The following INSR variants were observed in gnomAD, a reference collection of about 807,000 sequenced individuals.
INSR encodes IR.
Under a neutral mutation model 142.6 loss-of-function variants are expected in INSR, and 67 were observed. That is an observed-to-expected ratio of 0.47 (90% CI 0.39 to 0.58). INSR has a LOEUF of 0.58. Ranked by LOEUF, INSR falls within the 20% of genes least tolerant of loss-of-function variation. The probability of loss-of-function intolerance (pLI) is 0.00; values close to 1 mark genes in which losing one functional copy is unlikely to be tolerated. For missense variants in INSR, 1,248 were observed against 1,833.2 expected, an observed-to-expected ratio of 0.68 and a Z score of 5.83; for synonymous variants, 756 against 743.1, an observed-to-expected ratio of 1.02 and a Z score of -0.28.
intron 2 of INSR, among the ~76,000 whole-genome samples, chr19:7,251,178 C>T (rs1976716061): frequency 6.8e-6 from 1 of 147,224 alleles, no homozygotes; most frequent in Non-Finnish European, 1.5e-5. Context: ...CAGACATTGC[C>T]AAATGTCCCC....
rs1229893317 is a variant in INSR at position 7,116,890 on chromosome 19, G to A, written c.*166C>T. On this transcript the variant is annotated 3_prime_UTR_variant, in exon 22 of 22. Coordinates refer to ENST00000302850, the MANE Select transcript of INSR (RefSeq NM_000208.4). Reference sequence around the variant, plus strand: ...AATCCTCTGCAGGACTAGTTAAATTGGTAACCAAACGAGTCCACCTTAAGA... The same window carrying A: ...AATCCTCTGCAGGACTAGTTAAATTAGTAACCAAACGAGTCCACCTTAAGA... The A allele has an allele frequency of 4.6e-6, 3 of 654,880 alleles. No individual in the cohort carries two copies. Among genetic ancestry groups the A allele is most frequent in the African/African-American group, 3.6e-5 (2 of 55,288 alleles). The allele number at this position is 654,880 out of a possible 1,614,324, so 40.6% of individuals were successfully genotyped here.
intron 19 of INSR, among the ~76,000 whole-genome samples, 167 bp from the exon 20 acceptor site, chr19:7,120,916 G>A (rs569996961): frequency 2.0e-5 from 3 of 152,240 alleles, no homozygotes; most frequent in Admixed American, 6.5e-5. Flanking sequence ...CTGAGGGTAC[G>A]CATGGGGAAG....
In INSR at chr19:7,126,651, C is replaced by T. The variant is rs766764042; in HGVS notation, c.2946G>A (p.Arg982=). ...GCGGTCCCAGCGGCCCATCTGGCTG[C>T]CTGGAGGAGGAAAACGAGGCACGTT... ...IGSIYLFLRK[R]QPDGPLGPLY... Residue 982 remains arginine (R), a splice_region_variant and synonymous_variant, in exon 16 of 22, where the codon AGG becomes AGA. Coordinates refer to ENST00000302850, the MANE Select transcript of INSR (RefSeq NM_000208.4). 2 of 1,563,780 alleles carry T rather than the reference C, an allele frequency of 1.3e-6. No homozygotes were observed. The highest frequency in any genetic ancestry group is 8.7e-7 in the Non-Finnish European group (1 of 1,152,534).
chr19:7,155,261 G>A (rs370466949), intron 9 of INSR, among the ~76,000 whole-genome samples: 6 of 152,200 alleles, frequency 3.9e-5, no homozygotes, highest in East Asian at 1.9e-4. Flanking sequence ...CTGGCCAGGC[G>A]TGGTGGCCCT....
chr19:7,126,696 A>T, intron 15 of INSR, 45 bp from the exon 16 acceptor site: 5 of 1,526,086 alleles, frequency 3.3e-6, no homozygotes, highest in Non-Finnish European at 4.5e-6. Flanking sequence ...TTCTCATGGG[A>T]CTCTGCAGAA....
intron 2 of INSR, among the ~76,000 whole-genome samples, chr19:7,239,894 A>C (rs1976287255): frequency 6.6e-6 from 1 of 152,204 alleles, no homozygotes; most frequent in African/African-American, 2.4e-5. Context: ...AATCACAAAA[A>C]TATCATATGT....
intron 9 of INSR, among the ~76,000 whole-genome samples, chr19:7,157,496 C>T (rs867279636): frequency 5.4e-5 from 8 of 147,762 alleles, no homozygotes; most frequent in Middle Eastern, 3.5e-3. Context: ...CTCCTGAGCT[C>T]GAACGATCTG....
At chr19:7,157,510 G>A (rs186684354) in intron 9 of INSR, among the ~76,000 whole-genome samples, 41 of 143,664 alleles carry the variant, frequency 2.9e-4, no homozygotes, top group African/African-American at 8.0e-4. Context: ...CGATCTGCCC[G>A]CCTTGGCCTC....
chr19:7,151,221 TCTTC>T (rs926526229), intron 10 of INSR, among the ~76,000 whole-genome samples: 1 of 142,224 alleles, frequency 7.0e-6, no homozygotes, highest in Admixed American at 7.2e-5. Flanking sequence ...TTTCTTTCTC[TCTTC>T]CTTCCTTCCT....
At chr19:7,138,699 ATCCACCAATTCTATGGATGCACCGTCT>A (rs1451795290) in intron 13 of INSR, among the ~76,000 whole-genome samples, 1 of 152,060 alleles carries the variant, frequency 6.6e-6, no homozygotes, top group Non-Finnish European at 1.5e-5. Flanking sequence ...ATGGCTCTTC[ATCCACCAATTCTATGGATGCACCGTCT>A]TCCATGTGTC....
At chr19:7,240,183 A>T (rs1976296834) in intron 2 of INSR, among the ~76,000 whole-genome samples, 1 of 152,256 alleles carries the variant, frequency 6.6e-6, no homozygotes, top group Non-Finnish European at 1.5e-5. Flanking sequence ...TCAAAAGTGT[A>T]TTACAATATA....
In INSR at chr19:7,132,195, A is replaced by G; in HGVS notation, c.2805T>C (p.Ser935=). The G allele has an allele frequency of 3.1e-6, 5 of 1,614,206 alleles. No individual in the cohort carries two copies. The highest frequency in any genetic ancestry group is 4.2e-6 in the Non-Finnish European group (5 of 1,180,028). Reference sequence around the variant, plus strand: ...CGTAGAAATAGGTGGGTTCCGTCCAAGAGCCGTTGCCCGCAAGGGAGGTGG... The same window carrying G: ...CGTAGAAATAGGTGGGTTCCGTCCAGGAGCCGTTGCCCGCAAGGGAGGTGG... ...IRATSLAGNG[S]WTEPTYFYVT... Residue 935 remains serine (S), a synonymous_variant, in exon 14 of 22, where the codon TCT becomes TCC. Transcript: ENST00000302850.
At chr19:7,173,019 G>A (rs748023359) in intron 4 of INSR, among the ~76,000 whole-genome samples, 1 of 152,130 alleles carries the variant, frequency 6.6e-6, no homozygotes, top group African/African-American at 2.4e-5. Context: ...ATGGGTCTAT[G>A]GCTGTTTTCA....
rs1387775044 is a variant in INSR at position 7,163,191 on chromosome 19, CAG to C, written c.1868_1869del (p.Ser623CysfsTer10). ...IYVQTDATNP[S>X]VPLDPISVSN... The stretch of plus-strand genomic sequence containing the variant: ...GACACTGAGATTGGATCCAGGGGCA[CAG>C]AGGGGTCTGTCAGGGAGAAAGGAAA... On this transcript the variant is annotated frameshift_variant, in exon 9 of 22. Coordinates refer to ENST00000302850, the MANE Select transcript of INSR (RefSeq NM_000208.4). LOFTEE classifies it high-confidence loss of function. 1 of 1,613,090 alleles carries C rather than the reference CAG, an allele frequency of 6.2e-7. No homozygotes were observed. Among genetic ancestry groups the C allele is most frequent in the Non-Finnish European group, 8.5e-7 (1 of 1,179,430 alleles).
intron 1 of INSR, among the ~76,000 whole-genome samples, chr19:7,274,764 C>T (rs1005748206): frequency 1.4e-5 from 2 of 146,508 alleles, no homozygotes; most frequent in Non-Finnish European, 3.0e-5. Context: ...AAGATCAGGC[C>T]ACTGCACTCC....
intron 2 of INSR, among the ~76,000 whole-genome samples, chr19:7,186,519 T>A (rs928352519): frequency 3.3e-5 from 5 of 152,116 alleles, no homozygotes; most frequent in Admixed American, 3.3e-4. Context: ...ACCATTGTAA[T>A]CATGTTTAAA....
At chr19:7,181,989 A>T (rs1974286127) in intron 3 of INSR, among the ~76,000 whole-genome samples, 1 of 152,076 alleles carries the variant, frequency 6.6e-6, no homozygotes, top group South Asian at 2.1e-4. Flanking sequence ...TTGATATCAA[A>T]CCACATTAGA....
chr19:7,143,180 A>G, intron 11 of INSR, 90 bp from the exon 12 acceptor site: 1 of 1,440,844 alleles, frequency 6.9e-7, no homozygotes, highest in South Asian at 1.2e-5. Context: ...TTGATTAAGA[A>G]GAAAGATCAG....
rs757832776 is a variant in INSR at position 7,152,837 on chromosome 19, C to A, written c.2120G>T (p.Gly707Val). Reference protein sequence around the residue: ...HNQSEYEDSAGECCSCPKTDS... With the variant: ...HNQSEYEDSAVECCSCPKTDS... ...TGTCTTTGGACAGGAGCAGCATTCGCCGGCCGAATCCTCATACTCACTCTG... is the reference window on the plus strand; with the variant it reads ...TGTCTTTGGACAGGAGCAGCATTCGACGGCCGAATCCTCATACTCACTCTG... Residue 707 changes from glycine to valine, a missense_variant, in exon 10 of 22, where the codon GGC becomes GTC. By Grantham distance (109) the Gly-to-Val change is moderately radical. Transcript: ENST00000302850. The A allele has an allele frequency of 6.2e-7, 1 of 1,613,486 alleles. No individual in the cohort carries two copies. Among genetic ancestry groups the A allele is most frequent in the Non-Finnish European group, 8.5e-7 (1 of 1,179,926 alleles).
Sources: allele counts gnomAD v4.1 joint callset (sites outside exome capture counted in the v4.1 genomes callset), GRCh38; gene constraint gnomAD v4.1.1; transcripts MANE v1.5; gene names NCBI Gene and HGNC (gene_info 2026-07-23, HGNC 2026-07-21).